TEX36: variants seen among roughly 807,000 people sequenced by gnomAD.
The protein encoded by TEX36 is testis-expressed protein 36.
TEX36 carries 12 observed loss-of-function variants against 13.6 expected under a neutral mutation model. The ratio of observed to expected loss-of-function variants is 0.88; its 90% CI spans 0.56 to 1.43. The LOEUF (loss-of-function observed/expected upper bound fraction) is 1.43, where lower values mean the gene tolerates loss of function less well. Ranked by LOEUF, TEX36 falls within the 40% of genes most tolerant of loss-of-function variation. The probability of loss-of-function intolerance (pLI) is 0.00; values close to 1 mark genes in which losing one functional copy is unlikely to be tolerated. For synonymous variants in TEX36, 93 were observed against 83.0 expected (o/e 1.12, Z -0.65); for missense variants, 224 against 228.3 (o/e 0.98, Z 0.12).
intron 3 of TEX36, among the ~76,000 whole-genome samples, chr10:125,580,031 G>T (rs1259624710): frequency 6.6e-6 from 1 of 152,122 alleles, no homozygotes; most frequent in Admixed American, 6.5e-5. Context: ...AGTACCTGTT[G>T]GGTACTTAAT....
chr10:125,667,125 C>A, intron 1 of TEX36: 1 of 777,992 alleles, frequency 1.3e-6, no homozygotes. Flanking sequence ...CCTCCTCATT[C>A]TGGCCTCCAG....
At chr10:125,620,049 C>A (rs1200822413), downstream of TEX36, among the ~76,000 whole-genome samples, 1 of 152,076 alleles carries the variant, frequency 6.6e-6, no homozygotes, top group Non-Finnish European at 1.5e-5. Flanking sequence ...AGGTATTTAG[C>A]TTTGCTCTTT....
chr10:125,641,781 T>C (rs1846696393), intron 3 of TEX36, among the ~76,000 whole-genome samples: 1 of 152,214 alleles, frequency 6.6e-6, no homozygotes, highest in African/African-American at 2.4e-5. Context: ...TTTTGTAAAG[T>C]GGGTTGTTGT....
chr10:125,652,207 G>C (rs1214332202), downstream of TEX36, among the ~76,000 whole-genome samples: 8 of 152,152 alleles, frequency 5.3e-5, no homozygotes, highest in East Asian at 1.9e-4. Flanking sequence ...GCCAAAAGAA[G>C]AAAACTGGAG....
chr10:125,639,385 G>A (rs1444424829), intron 3 of TEX36, among the ~76,000 whole-genome samples: 1 of 152,118 alleles, frequency 6.6e-6, no homozygotes, highest in East Asian at 1.9e-4. Context: ...AGTCTATGCT[G>A]GATGCACTAC....
intron 3 of TEX36, among the ~76,000 whole-genome samples, chr10:125,605,632 C>T (rs1240568353): frequency 1.3e-5 from 2 of 152,064 alleles, no homozygotes; most frequent in Non-Finnish European, 2.9e-5. Flanking sequence ...GATGGAGTCT[C>T]GCTCTGTCAC....
chr10:125,615,409 G>T (rs1210166607), intron 3 of TEX36, among the ~76,000 whole-genome samples: 1 of 151,948 alleles, frequency 6.6e-6, no homozygotes, highest in Admixed American at 6.5e-5. Context: ...GTATGATATT[G>T]GCTGTGGGTT....
chr10:125,660,029 G>A (rs558523840), intron 3 of TEX36, among the ~76,000 whole-genome samples: 1 of 152,260 alleles, frequency 6.6e-6, no homozygotes, highest in South Asian at 2.1e-4. Flanking sequence ...GTATTTTAAA[G>A]ACTTGGTTTG....
downstream of TEX36, among the ~76,000 whole-genome samples, chr10:125,618,798 A>T (rs1001875340): frequency 2.6e-5 from 4 of 152,020 alleles, no homozygotes; most frequent in South Asian, 2.1e-4. Flanking sequence ...AGCCTGCTGC[A>T]GTGACGGTGT....
At chr10:125,640,391 A>G (rs1846673229) in intron 3 of TEX36, among the ~76,000 whole-genome samples, 1 of 152,222 alleles carries the variant, frequency 6.6e-6, no homozygotes, top group Non-Finnish European at 1.5e-5. Flanking sequence ...AACAGATTCA[A>G]CAATTTCATA....
intron 3 of TEX36, among the ~76,000 whole-genome samples, chr10:125,633,208 G>T (rs992054928): frequency 6.6e-6 from 1 of 152,128 alleles, no homozygotes; most frequent in Non-Finnish European, 1.5e-5. Flanking sequence ...CCCTAAAGAC[G>T]GTTAATTACC....
chr10:125,581,455 C>G (rs1003736256), intron 3 of TEX36, among the ~76,000 whole-genome samples: 17 of 152,168 alleles, frequency 1.1e-4, no homozygotes, highest in African/African-American at 3.9e-4. Context: ...GGTAACTCCC[C>G]ACTCGGGCAT....
intron 3 of TEX36, among the ~76,000 whole-genome samples, chr10:125,595,636 A>G (rs1165820486): frequency 1.3e-5 from 2 of 152,108 alleles, no homozygotes; most frequent in African/African-American, 2.4e-5. Context: ...CAGCTCCCCA[A>G]GCAGGCTGAG....
At chr10:125,674,040 C>G (rs770316639) in intron 1 of TEX36, among the ~76,000 whole-genome samples, 18 of 152,178 alleles carry the variant, frequency 1.2e-4, no homozygotes, top group Non-Finnish European at 2.5e-4. Flanking sequence ...TTCTCTCTGT[C>G]TCTTTCAGTT....
chr10:125,654,856 AT>A (rs989106061), downstream of TEX36, among the ~76,000 whole-genome samples: 5 of 152,186 alleles, frequency 3.3e-5, no homozygotes, highest in African/African-American at 1.2e-4. Flanking sequence ...AAGCCAATGC[AT>A]TATTTCTCAA....
intron 3 of TEX36, among the ~76,000 whole-genome samples, chr10:125,650,449 T>A (rs987677238): frequency 3.3e-5 from 5 of 152,038 alleles, no homozygotes; most frequent in African/African-American, 1.2e-4. Context: ...TTGAAACCAA[T>A]GAGAACAAAG....
chr10:125,580,176 T>C (rs1845867067), intron 3 of TEX36, among the ~76,000 whole-genome samples: 2 of 152,230 alleles, frequency 1.3e-5, no homozygotes, highest in African/African-American at 4.8e-5. Context: ...TTACCACTAG[T>C]TTCTTGCACA....
chr10:125,635,964 C>G (rs1044325412), intron 3 of TEX36, among the ~76,000 whole-genome samples: 1 of 152,006 alleles, frequency 6.6e-6, no homozygotes, highest in African/African-American at 2.4e-5. Flanking sequence ...GCCTCAACTT[C>G]CTGGGCTCAA....
At chr10:125,599,587 G>T (rs1018704571) in intron 3 of TEX36, among the ~76,000 whole-genome samples, 2 of 152,152 alleles carry the variant, frequency 1.3e-5, no homozygotes, top group African/African-American at 2.4e-5. Flanking sequence ...ATCTGCTTAG[G>T]GAAAGATGGC....
Sources: allele counts gnomAD v4.1 joint callset (sites outside exome capture counted in the v4.1 genomes callset), GRCh38; gene constraint gnomAD v4.1.1; transcripts MANE v1.5; gene names NCBI Gene and HGNC (gene_info 2026-07-23, HGNC 2026-07-21).